Variants in TEX2 observed in about 807,000 individuals in gnomAD.
TEX2 encodes testis-expressed protein 2.
TEX2 carries 53 observed loss-of-function variants against 106.9 expected under a neutral mutation model. The ratio of observed to expected loss-of-function variants is 0.50; its 90% CI spans 0.40 to 0.62. The LOEUF is 0.62. TEX2 is among the 20% of genes least tolerant of loss of function. The pLI, the probability that TEX2 is intolerant of heterozygous loss-of-function variation, is 0.00. For synonymous variants in TEX2, 523 were observed against 534.8 expected (o/e 0.98, Z 0.30); for missense variants, 1,207 against 1,379.0 (o/e 0.88, Z 1.98).
intron 2 of TEX2, among the ~76,000 whole-genome samples, chr17:64,196,981 G>GTTTTTTTTTT (rs2032490681): frequency 7.2e-5 from 3 of 41,730 alleles, no homozygotes; most frequent in East Asian, 1.1e-3. Context: ...GTCAAATCAA[G>GTTTTTTTTTT]ATTTTTTTTT....
chr17:64,193,463 G>GCTTACTTC, intron 4 of TEX2, 96 bp downstream of exon 4: 1 of 993,982 alleles, frequency 1.0e-6, no homozygotes, highest in Non-Finnish European at 1.4e-6. Flanking sequence ...TTCAGGGTGG[G>GCTTACTTC]CTTCCTTCCT....
intron 1 of TEX2, among the ~76,000 whole-genome samples, chr17:64,246,188 C>A (rs953012879): frequency 6.6e-6 from 1 of 152,196 alleles, no homozygotes; most frequent in African/African-American, 2.4e-5. Context: ...CAGAAGATGA[C>A]CATTCTTGAC....
rs782764453 is a variant in TEX2 at position 64,213,952 on chromosome 17, G to A, written c.266C>T (p.Ala89Val). The change falls in exon 2 of 12, where the codon GCT becomes GTT. Residue 89 changes from alanine to valine, a missense_variant. Coordinates refer to ENST00000584379, the MANE Select transcript of TEX2 (RefSeq NM_001288732.2). This position sits in a 1 kb window ranked among gnomAD's most constrained non-coding sequence, Gnocchi z 4.4. Reference protein sequence around the residue: ...PQVGHDPAGPAASPVLADGLS... With the variant: ...PQVGHDPAGPVASPVLADGLS... ...TCCATCTGCCAGGACAGGCGAGGCA[G>A]CAGGGCCGGCGGGGTCATGGCCAAC... 8 of 1,614,236 alleles carry A rather than the reference G, an allele frequency of 5.0e-6. No individual in the cohort carries two copies. The highest frequency in any genetic ancestry group is 6.8e-6 in the Non-Finnish European group (8 of 1,180,048).
At chr17:64,253,704 G>A (rs1268741799) in intron 1 of TEX2, among the ~76,000 whole-genome samples, 1 of 152,134 alleles carries the variant, frequency 6.6e-6, no homozygotes, top group Non-Finnish European at 1.5e-5. Flanking sequence ...GCGAAAGGAG[G>A]GAGGTCGAGC....
chr17:64,197,782 T>C (rs2032523259), intron 2 of TEX2, among the ~76,000 whole-genome samples: 1 of 152,202 alleles, frequency 6.6e-6, no homozygotes, highest in Non-Finnish European at 1.5e-5. Flanking sequence ...CAAGCTGGTC[T>C]TGAACTCTTG....
intron 11 of TEX2, chr17:64,150,011 G>A (rs563606288): frequency 9.2e-5 from 14 of 151,938 alleles, no homozygotes; most frequent in African/African-American, 3.4e-4. Flanking sequence ...TCTATTTGGT[G>A]ATGACATTAA....
At chr17:64,261,964 CCA>C (rs1567975238) in intron 1 of TEX2, among the ~76,000 whole-genome samples, 1 of 152,232 alleles carries the variant, frequency 6.6e-6, no homozygotes, top group Non-Finnish European at 1.5e-5. Context: ...TCCCCATACT[CCA>C]GAGTTCAAGG....
chr17:64,170,981 A>G, intron 7 of TEX2, 119 bp downstream of exon 7: 1 of 778,652 alleles, frequency 1.3e-6, no homozygotes, highest in Non-Finnish European at 2.1e-6. Context: ...AAAGACACTC[A>G]ACATGAAACA....
chr17:64,232,115 C>T (rs1169967610), intron 1 of TEX2, among the ~76,000 whole-genome samples: 2 of 152,120 alleles, frequency 1.3e-5, no homozygotes, highest in African/African-American at 2.4e-5. Context: ...ACATATACAT[C>T]GTAATACAAA....
chr17:64,195,217 G>A lies in TEX2; in HGVS notation c.1645-122C>T. 1.2e-6 allele frequency: 1 copy of A among 848,968 alleles called. No homozygotes were observed. The highest frequency in any genetic ancestry group is 1.9e-6 in the Non-Finnish European group (1 of 529,872). 52.6% of individuals were successfully genotyped at this position (848,968 alleles called of 1,614,324 possible). On this transcript the variant is annotated intron_variant, in intron 2 of 11. Coordinates refer to ENST00000584379, the MANE Select transcript of TEX2 (RefSeq NM_001288732.2). The surrounding 1 kb of genome is among the most constrained non-coding windows in gnomAD (Gnocchi z 4.1). ...AAACTTGATCACGACACAGATATCAGCTCACCAATGACTACAGGTTGCAAA... is the reference window on the plus strand; with the variant it reads ...AAACTTGATCACGACACAGATATCAACTCACCAATGACTACAGGTTGCAAA...
chr17:64,258,595 T>A (rs1041788512), intron 1 of TEX2, among the ~76,000 whole-genome samples: 22 of 152,188 alleles, frequency 1.4e-4, no homozygotes, highest in Non-Finnish European at 2.9e-4. Context: ...GTTTTGTTTT[T>A]CAAAGCACTA....
At chr17:64,248,448 G>C (rs1365417217) in intron 1 of TEX2, among the ~76,000 whole-genome samples, 10 of 152,176 alleles carry the variant, frequency 6.6e-5, no homozygotes, top group African/African-American at 2.2e-4. Context: ...CCAGTGTCTG[G>C]ACCTGCCCAG....
Position 64,150,894 on chromosome 17 carries a change from T to G in TEX2, c.3208A>C (p.Thr1070Pro). The change falls in exon 11 of 12, where the codon ACT becomes CCT. Residue 1070 changes from threonine (T) to proline (P), a missense_variant. Thr to Pro is a conservative substitution (Grantham distance 38, BLOSUM62 -1). Coordinates refer to ENST00000584379, the MANE Select transcript of TEX2 (RefSeq NM_001288732.2). ...ARPKLGEREV[T>P]LVHVTDWIEK... ...ATCCAGTCTGTCACATGAACTAAAG[T>G]CACTTCTCTCTCTCCAAGTTTTGGC... The G allele has an allele frequency of 6.2e-7, 1 of 1,613,966 alleles. No individual in the cohort carries two copies. The highest frequency in any genetic ancestry group is 8.5e-7 in the Non-Finnish European group (1 of 1,179,948).
chr17:64,236,769 T>C (rs1014228168), intron 1 of TEX2, among the ~76,000 whole-genome samples: 2 of 152,246 alleles, frequency 1.3e-5, no homozygotes, highest in Non-Finnish European at 2.9e-5. Flanking sequence ...CAATTTATTA[T>C]GCACACAAAC....
At chr17:64,171,358 C>T (rs945631028) in intron 6 of TEX2, among the ~76,000 whole-genome samples, 159 bp from the exon 7 acceptor site, 3 of 152,130 alleles carry the variant, frequency 2.0e-5, no homozygotes, top group African/African-American at 7.2e-5. Flanking sequence ...TACTAGGCTT[C>T]GTACTCCAGA....
chr17:64,174,601 A>G (rs2031547639), intron 6 of TEX2, among the ~76,000 whole-genome samples: 1 of 152,180 alleles, frequency 6.6e-6, no homozygotes. Flanking sequence ...AGGGTACCAC[A>G]GTGAGACAGA....
At chr17:64,223,998 C>T (rs1489972494) in intron 1 of TEX2, among the ~76,000 whole-genome samples, 6 of 152,206 alleles carry the variant, frequency 3.9e-5, no homozygotes, top group African/African-American at 1.4e-4. Flanking sequence ...TTCTCGGGAC[C>T]ATCCCTAATC....
intron 1 of TEX2, among the ~76,000 whole-genome samples, chr17:64,229,496 G>C (rs1228088005): frequency 6.6e-6 from 1 of 150,926 alleles, no homozygotes; most frequent in Non-Finnish European, 1.5e-5. Flanking sequence ...TTAATTGTAT[G>C]GGTTTTTTTT....
chr17:64,168,774 T>C (rs753289003), intron 7 of TEX2, among the ~76,000 whole-genome samples: 1 of 152,170 alleles, frequency 6.6e-6, no homozygotes, highest in Non-Finnish European at 1.5e-5. Flanking sequence ...CAGCTTCTTA[T>C]ACATTTCTAA....
Sources: gnomAD v4.1 joint callset for allele counts (sites outside exome capture counted in the v4.1 genomes callset) on GRCh38, gnomAD v4.1.1 for gene constraint, Gnocchi (gnomAD v3.1) non-coding constraint, MANE v1.5 for transcripts, NCBI Gene and HGNC (gene_info 2026-07-23, HGNC 2026-07-21) for gene names.